COPS2: variants seen among roughly 807,000 people sequenced by gnomAD.
The protein encoded by COPS2 is COP9 signalosome subunit 2.
A neutral mutation model predicts 66.1 loss-of-function variants in COPS2; 10 were observed. The observed-to-expected ratio is 0.15, with a 90% CI of 0.09 to 0.26. The LOEUF (loss-of-function observed/expected upper bound fraction) is 0.26, where lower values mean the gene tolerates loss of function less well. Ranked by LOEUF, COPS2 falls within the 10% of genes least tolerant of loss-of-function variation. The pLI, the probability that COPS2 is intolerant of heterozygous loss-of-function variation, is 1.00. For synonymous variants in COPS2, 179 were observed against 171.3 expected (o/e 1.04, Z -0.35); for missense variants, 215 against 513.3 (o/e 0.42, Z 5.62).
Position 49,123,872 on chromosome 15 carries a change from G to A in COPS2, c.*4078C>T, listed in dbSNP as rs576669604. 6.6e-6 allele frequency: 1 copy of A among 152,296 alleles called. No individual in the cohort carries two copies. The highest frequency in any genetic ancestry group is 2.4e-5 in the African/African-American group (1 of 41,560). The allele number at this position is 152,296 out of a possible 1,614,324, so 9.4% of individuals were successfully genotyped here. ...CTCCTTAAAATTCAAAAGCAAGTAA[G>A]TGATGCTAAACTTTAGCATTTTGAG... is the stretch of plus-strand genomic sequence containing the variant. On this transcript the variant is annotated 3_prime_UTR_variant, in exon 13 of 13. Coordinates refer to ENST00000388901, the MANE Select transcript of COPS2 (RefSeq NM_004236.4).
At chr15:49,128,136 TC>T in intron 12 of COPS2, 42 bp from the exon 13 acceptor site, 3 of 1,583,536 alleles carry the variant, frequency 1.9e-6, no homozygotes, top group Non-Finnish European at 2.6e-6. Flanking sequence ...AAGACTTTCA[TC>T]AAGCACAGTT....
chr15:49,130,832 A>G lies in COPS2; in HGVS notation c.948-16T>C. The G allele has an allele frequency of 7.4e-7, 1 of 1,357,660 alleles. No individual in the cohort carries two copies. Among genetic ancestry groups the G allele is most frequent in the Non-Finnish European group, 1.1e-6 (1 of 950,902 alleles). 84.1% of individuals were successfully genotyped at this position (1,357,660 alleles called of 1,614,324 possible). A position where few individuals can be genotyped will look rare whatever the true frequency, so the allele number is the denominator to read the frequency against. ...CTGATAGGCACTAATAGAAAAACAA[A>G]GTGTAAATTATGTCAAACATGAAGA... On this transcript the variant is annotated splice_polypyrimidine_tract_variant and intron_variant, in intron 9 of 12. Transcript: ENST00000388901.
At chr15:49,144,171 A>G (rs2084306952) in intron 3 of COPS2, 56 bp downstream of exon 3, 2 of 1,071,966 alleles carry the variant, frequency 1.9e-6, no homozygotes, top group Non-Finnish European at 2.9e-6. Flanking sequence ...CTTTGTCGTG[A>G]TGAGGTTTTT....
chr15:49,139,379 A>G, intron 4 of COPS2, 149 bp downstream of exon 4: 1 of 625,314 alleles, frequency 1.6e-6, no homozygotes. Context: ...TATAACCAGG[A>G]AAATAGTACT....
At chr15:49,135,534 T>G (rs981107738) in intron 6 of COPS2, among the ~76,000 whole-genome samples, 1 of 152,210 alleles carries the variant, frequency 6.6e-6, no homozygotes, top group African/African-American at 2.4e-5. Context: ...GGGACTAACC[T>G]TCCTGGAGGA....
chr15:49,131,743 T>C (rs975641307), intron 9 of COPS2, among the ~76,000 whole-genome samples: 1 of 152,258 alleles, frequency 6.6e-6, no homozygotes, highest in African/African-American at 2.4e-5. Flanking sequence ...GGAGGACATA[T>C]TCAAGCATTG....
chr15:49,129,610 T>A (rs1372397354), intron 10 of COPS2, 51 bp from the exon 11 acceptor site: 7 of 866,422 alleles, frequency 8.1e-6, no homozygotes, highest in Non-Finnish European at 8.6e-6. Flanking sequence ...TTGTATGATA[T>A]CTTTATGGAT....
chr15:49,128,610 G>T, intron 12 of COPS2, 92 bp downstream of exon 12: 1 of 879,272 alleles, frequency 1.1e-6, no homozygotes. Flanking sequence ...TGCTTTTTAT[G>T]AATAATCAAG....
At chr15:49,137,719 C>T in intron 4 of COPS2, 1 of 283,116 alleles carries the variant, frequency 3.5e-6, no homozygotes, top group Non-Finnish European at 6.6e-6. Flanking sequence ...CACGTTTGTC[C>T]TTCCCAATCT....
At chr15:49,129,768 A>C (rs997591529) in intron 10 of COPS2, among the ~76,000 whole-genome samples, 2 of 152,058 alleles carry the variant, frequency 1.3e-5, no homozygotes, top group Non-Finnish European at 2.9e-5. Context: ...CACCTCCTTG[A>C]TTTTGTTGAC....
In COPS2 at chr15:49,155,473, C is replaced by A. The variant is rs547021746; in HGVS notation, c.54+52G>T. On this transcript the variant is annotated intron_variant, in intron 1 of 12. Coordinates refer to ENST00000388901, the MANE Select transcript of COPS2 (RefSeq NM_004236.4). Reference sequence around the variant, plus strand: ...AGGCCGCGGGCGCCCCGGCCCGGACCCCGAAAACAAGACACATCACCACCC... The same window carrying A: ...AGGCCGCGGGCGCCCCGGCCCGGACACCGAAAACAAGACACATCACCACCC... The A allele has an allele frequency of 2.5e-6, 4 of 1,591,310 alleles. No homozygotes were observed. The East Asian group carries it at 8.9e-5, about 36-fold the overall frequency.
In COPS2 at chr15:49,124,042, T is replaced by C. The variant is rs915772653; in HGVS notation, c.*3908A>G. The C allele has an allele frequency of 2.0e-5, 3 of 152,334 alleles. No individual in the cohort carries two copies. Among genetic ancestry groups the C allele is most frequent in the Admixed American group, 2.0e-4 (3 of 15,304 alleles). 9.4% of individuals were successfully genotyped at this position (152,334 alleles called of 1,614,324 possible). ...TCTCGAGTTAAAGAGAACCTCCAATTTGTCTTCGTTACGAAATTTCTGCCA... is the reference window on the plus strand; with the variant it reads ...TCTCGAGTTAAAGAGAACCTCCAATCTGTCTTCGTTACGAAATTTCTGCCA... On this transcript the variant is annotated 3_prime_UTR_variant, in exon 13 of 13. Transcript: ENST00000388901.
intron 1 of COPS2, among the ~76,000 whole-genome samples, chr15:49,149,606 A>C (rs182689295): frequency 6.6e-6 from 1 of 152,238 alleles, no homozygotes; most frequent in African/African-American, 2.4e-5. Flanking sequence ...AAAGGTGGAT[A>C]AACATTCCAA....
In COPS2 at chr15:49,127,869, T is replaced by C. The variant is rs1051123661; in HGVS notation, c.*81A>G. On this transcript the variant is annotated 3_prime_UTR_variant, in exon 13 of 13. Transcript: ENST00000388901. The stretch of plus-strand genomic sequence containing the variant: ...ATTTTCAGGACACATCAACCGACAG[T>C]AGTTTTGCCATTCCCAGTTCTTTTA... The C allele has an allele frequency of 7.2e-7, 1 of 1,381,440 alleles. No homozygotes were observed. Among genetic ancestry groups the C allele is most frequent in the Non-Finnish European group, 9.9e-7 (1 of 1,011,570 alleles). 85.6% of individuals were successfully genotyped at this position (1,381,440 alleles called of 1,614,324 possible). A position where few individuals can be genotyped will look rare whatever the true frequency, so the allele number is the denominator to read the frequency against.
At chr15:49,140,088 G>A (rs1192288948) in intron 3 of COPS2, among the ~76,000 whole-genome samples, 1 of 152,016 alleles carries the variant, frequency 6.6e-6, no homozygotes, top group African/African-American at 2.4e-5. Flanking sequence ...CCAGGTTCAA[G>A]CGATTCTCCT....
At chr15:49,133,851 G>A (rs11858814) in intron 8 of COPS2, 40 bp from the exon 9 acceptor site, 496,722 of 1,546,836 alleles carry the variant, frequency 0.32, 85,535 homozygotes, top group Non-Finnish European at 0.36. Context: ...TATGTACAAA[G>A]AAACAACATT....
chr15:49,147,401 T>G (rs2084328117), intron 1 of COPS2, among the ~76,000 whole-genome samples: 1 of 152,022 alleles, frequency 6.6e-6, no homozygotes, highest in Non-Finnish European at 1.5e-5. Context: ...CAAAACAAAT[T>G]AGAAAAAACA....
At chr15:49,132,353 G>A (rs938522541) in intron 9 of COPS2, among the ~76,000 whole-genome samples, 31 of 150,440 alleles carry the variant, frequency 2.1e-4, no homozygotes, top group African/African-American at 7.5e-4. Flanking sequence ...AAAAAAAAAC[G>A]CTTTTTTTTT....
At chr15:49,147,451 A>G (rs925865623) in intron 1 of COPS2, among the ~76,000 whole-genome samples, 19 of 152,202 alleles carry the variant, frequency 1.2e-4, no homozygotes, top group African/African-American at 4.6e-4. Flanking sequence ...AGAAGCTGAA[A>G]GGTATACATG....
Sources: allele counts gnomAD v4.1 joint callset (sites outside exome capture counted in the v4.1 genomes callset), GRCh38; gene constraint gnomAD v4.1.1; transcripts MANE v1.5; gene names NCBI Gene and HGNC (gene_info 2026-07-23, HGNC 2026-07-21).